CNTN3: variants seen among roughly 807,000 people sequenced by gnomAD.
The protein encoded by CNTN3 is contactin 3, also known as contactin-3.
Under a neutral mutation model 119.1 loss-of-function variants are expected in CNTN3, and 60 were observed. That is an observed-to-expected ratio of 0.50 (90% CI 0.41 to 0.62). CNTN3 has a LOEUF of 0.62. CNTN3 is among the 20% of genes least tolerant of loss of function. The probability of loss-of-function intolerance (pLI) is 0.00; values close to 1 mark genes in which losing one functional copy is unlikely to be tolerated. For synonymous variants in CNTN3, 450 were observed against 438.7 expected (o/e 1.03, Z -0.32); for missense variants, 1,101 against 1,242.4 (o/e 0.89, Z 1.71).
At chr3:74,489,522 C>T (rs1317223501) in intron 3 of CNTN3, among the ~76,000 whole-genome samples, 1 of 150,708 alleles carries the variant, frequency 6.6e-6, no homozygotes, top group Non-Finnish European at 1.5e-5. Flanking sequence ...AGTGTCTATA[C>T]TGGGCAATTT....
chr3:74,586,588 A>G (rs1704596812), intron 1 of CNTN3, among the ~76,000 whole-genome samples: 1 of 152,076 alleles, frequency 6.6e-6, no homozygotes, highest in Non-Finnish European at 1.5e-5. Context: ...ATTGGTTTTT[A>G]GTTACTTCCC....
intron 20 of CNTN3, among the ~76,000 whole-genome samples, chr3:74,276,180 C>T (rs778818059): frequency 1.3e-5 from 2 of 152,142 alleles, no homozygotes; most frequent in Non-Finnish European, 2.9e-5. Flanking sequence ...GAGACAGCCA[C>T]ACAATAATAG....
intron 20 of CNTN3, among the ~76,000 whole-genome samples, chr3:74,272,106 T>C (rs1384878616): frequency 6.6e-6 from 1 of 152,296 alleles, no homozygotes; most frequent in Non-Finnish European, 1.5e-5. Flanking sequence ...ATCTTTTGGC[T>C]TCCCTGGGCC....
intron 13 of CNTN3, among the ~76,000 whole-genome samples, chr3:74,323,446 T>C (rs1260630560): frequency 1.3e-5 from 2 of 152,120 alleles, no homozygotes; most frequent in Admixed American, 6.5e-5. Flanking sequence ...AGGGTGAAGG[T>C]TGGGGATTTC....
At chr3:74,409,034 C>T (rs1232685996) in intron 5 of CNTN3, among the ~76,000 whole-genome samples, 1 of 152,228 alleles carries the variant, frequency 6.6e-6, no homozygotes, top group Non-Finnish European at 1.5e-5. Context: ...CCACGAAGAG[C>T]CTTGCATATA....
intron 4 of CNTN3, among the ~76,000 whole-genome samples, chr3:74,464,163 A>G (rs1209513507): frequency 6.6e-6 from 1 of 152,202 alleles, no homozygotes; most frequent in East Asian, 1.9e-4. Context: ...TAGAGTTGTT[A>G]TAAGGATACA....
intron 5 of CNTN3, among the ~76,000 whole-genome samples, chr3:74,415,223 T>A (rs79744515): frequency 0.038 from 5,847 of 152,206 alleles, 343 homozygotes; most frequent in African/African-American, 0.13. Flanking sequence ...GATCTGGGAA[T>A]AAACTGGAAG....
intron 17 of CNTN3, among the ~76,000 whole-genome samples, chr3:74,299,308 T>A (rs1340460047): frequency 6.6e-6 from 1 of 150,822 alleles, no homozygotes; most frequent in Admixed American, 6.6e-5. Context: ...AAAATGCAGG[T>A]AATTCTAGTA....
chr3:74,435,418 C>G (rs909989976), intron 4 of CNTN3, among the ~76,000 whole-genome samples: 1 of 152,136 alleles, frequency 6.6e-6, no homozygotes, highest in African/African-American at 2.4e-5. Context: ...CTCAAGCAAT[C>G]CACCTGTCTC....
intron 16 of CNTN3, among the ~76,000 whole-genome samples, chr3:74,300,499 T>C (rs1702434349): frequency 6.6e-6 from 1 of 152,330 alleles, no homozygotes; most frequent in African/African-American, 2.4e-5. Flanking sequence ...GTCACAGCTG[T>C]ACTTGCAATG....
At chr3:74,421,519 C>T (rs920432668) in intron 5 of CNTN3, among the ~76,000 whole-genome samples, 7 of 152,006 alleles carry the variant, frequency 4.6e-5, no homozygotes, top group Admixed American at 1.3e-4. Flanking sequence ...CTCTGTTAGG[C>T]TGATATAAGA....
intron 1 of CNTN3, among the ~76,000 whole-genome samples, chr3:74,588,766 C>G (rs1704644914): frequency 6.6e-6 from 1 of 152,120 alleles, no homozygotes; most frequent in Admixed American, 6.6e-5. Context: ...AGATACAGAT[C>G]AATGGAACAG....
chr3:74,562,963 A>T (rs962265581), intron 1 of CNTN3, among the ~76,000 whole-genome samples: 1 of 152,174 alleles, frequency 6.6e-6, no homozygotes, highest in Non-Finnish European at 1.5e-5. Context: ...GCGAAGAGAT[A>T]ATGCCCATTT....
chr3:74,303,983 G>A (rs1045593086), intron 13 of CNTN3, among the ~76,000 whole-genome samples: 8 of 152,108 alleles, frequency 5.3e-5, no homozygotes, highest in African/African-American at 7.2e-5. Flanking sequence ...AATAAGTAGC[G>A]TTTATCTTAA....
intron 3 of CNTN3, among the ~76,000 whole-genome samples, chr3:74,492,985 C>A (rs768632276): frequency 1.4e-4 from 22 of 152,068 alleles, no homozygotes; most frequent in Middle Eastern, 3.2e-3. Context: ...CAATCTAATT[C>A]TATTTTCTAC....
chr3:74,281,956 A>G (rs970932086), intron 20 of CNTN3, among the ~76,000 whole-genome samples: 10 of 152,218 alleles, frequency 6.6e-5, no homozygotes, highest in Non-Finnish European at 1.3e-4. Context: ...TACAAAGCAG[A>G]ATATTTATCC....
intron 1 of CNTN3, among the ~76,000 whole-genome samples, chr3:74,527,121 TCTTG>T (rs1201004924): frequency 5.3e-5 from 8 of 151,902 alleles, no homozygotes; most frequent in Admixed American, 5.3e-4. Flanking sequence ...TTCAAATATT[TCTTG>T]CTTATTTTTC....
intron 4 of CNTN3, among the ~76,000 whole-genome samples, chr3:74,458,739 G>A (rs1702313227): frequency 6.6e-6 from 1 of 152,054 alleles, no homozygotes; most frequent in Non-Finnish European, 1.5e-5. Context: ...ATTATGGGAT[G>A]ATGGAACTAT....
intron 4 of CNTN3, among the ~76,000 whole-genome samples, chr3:74,484,247 T>C (rs2107036076): frequency 6.6e-6 from 1 of 152,186 alleles, no homozygotes; most frequent in South Asian, 2.1e-4. Context: ...TAGAACCTAT[T>C]GAACATACTT....
Sources: allele counts gnomAD v4.1 joint callset (sites outside exome capture counted in the v4.1 genomes callset), GRCh38; gene constraint gnomAD v4.1.1; transcripts MANE v1.5; gene names NCBI Gene and HGNC (gene_info 2026-07-23, HGNC 2026-07-21).